ZEB1: variants seen among roughly 807,000 people sequenced by gnomAD.
The protein encoded by ZEB1 is zinc finger E-box binding homeobox 1.
ZEB1 carries 21 observed loss-of-function variants against 84.9 expected under a neutral mutation model. That is an observed-to-expected ratio of 0.25 (90% CI 0.18 to 0.36). The LOEUF (loss-of-function observed/expected upper bound fraction) is 0.36. ZEB1 is among the 10% of genes least tolerant of loss of function. ZEB1 has a pLI of 1.00. For synonymous variants in ZEB1, 420 were observed against 471.1 expected (o/e 0.89, Z 1.41); for missense variants, 1,104 against 1,330.2 (o/e 0.83, Z 2.65).
intron 1 of ZEB1, among the ~76,000 whole-genome samples, chr10:31,454,563 C>A (rs945586904): frequency 6.6e-6 from 1 of 152,178 alleles, no homozygotes; most frequent in African/African-American, 2.4e-5. Context: ...TAAACAACTT[C>A]AGCAAAGTCT....
At chr10:31,508,087 T>C (rs1275955468) in intron 4 of ZEB1, among the ~76,000 whole-genome samples, 2 of 152,180 alleles carry the variant, frequency 1.3e-5, no homozygotes, top group Admixed American at 1.3e-4. Flanking sequence ...ATTTCCTCGT[T>C]GGCTTAGGTG....
At chr10:31,406,853 T>C (rs2053167542) in intron 1 of ZEB1, among the ~76,000 whole-genome samples, 1 of 152,160 alleles carries the variant, frequency 6.6e-6, no homozygotes, top group East Asian at 1.9e-4. Flanking sequence ...TTAATCTATC[T>C]TGAGTTAATT....
At chr10:31,406,034 A>G (rs2052950420) in intron 1 of ZEB1, among the ~76,000 whole-genome samples, 4 of 152,006 alleles carry the variant, frequency 2.6e-5, no homozygotes, top group Admixed American at 2.6e-4. Context: ...CATCCTTTTT[A>G]TGGCTGCATA....
At chr10:31,436,737 A>G (rs943399087) in intron 1 of ZEB1, among the ~76,000 whole-genome samples, 1 of 152,164 alleles carries the variant, frequency 6.6e-6, no homozygotes, top group Admixed American at 6.6e-5. Flanking sequence ...AAGCTTTTCT[A>G]TATATCAGTA....
chr10:31,472,782 T>C (rs1385814220), intron 2 of ZEB1, among the ~76,000 whole-genome samples: 1 of 140,394 alleles, frequency 7.1e-6, no homozygotes, highest in African/African-American at 3.0e-5. Context: ...CCAATATCCT[T>C]GATGAACATT....
At chr10:31,403,741 T>C (rs2052482141) in intron 1 of ZEB1, among the ~76,000 whole-genome samples, 2 of 152,160 alleles carry the variant, frequency 1.3e-5, no homozygotes, top group Non-Finnish European at 2.9e-5. Flanking sequence ...ATGTATATTA[T>C]ATATTCAGCT....
intron 1 of ZEB1, among the ~76,000 whole-genome samples, chr10:31,458,069 C>T (rs984042729): frequency 3.9e-5 from 6 of 152,076 alleles, no homozygotes; most frequent in Non-Finnish European, 1.5e-5. Flanking sequence ...TCTAGGCATG[C>T]AGTTTCACTG....
chr10:31,477,343 G>A (rs1295259877), intron 2 of ZEB1, among the ~76,000 whole-genome samples: 1 of 151,640 alleles, frequency 6.6e-6, no homozygotes. Flanking sequence ...GAACCAAAGA[G>A]GTGAAAGTTC....
intron 1 of ZEB1, among the ~76,000 whole-genome samples, chr10:31,356,741 A>G (rs1289476847): frequency 6.6e-6 from 1 of 152,162 alleles, no homozygotes; most frequent in Non-Finnish European, 1.5e-5. Flanking sequence ...ACGGGCCTTA[A>G]CTATAAAGAA....
intron 1 of ZEB1, among the ~76,000 whole-genome samples, chr10:31,322,762 T>C: frequency 6.6e-6 from 1 of 150,474 alleles, no homozygotes; most frequent in African/African-American, 2.5e-5. Context: ...TTTTTTTTTT[T>C]TGAGAGAGAG....
intron 1 of ZEB1, among the ~76,000 whole-genome samples, chr10:31,443,434 T>C (rs1398044431): frequency 6.6e-6 from 1 of 151,930 alleles, no homozygotes; most frequent in Non-Finnish European, 1.5e-5. Context: ...TATTATACTT[T>C]AAGTTTTAGG....
chr10:31,451,954 C>G (rs549586693), intron 1 of ZEB1, among the ~76,000 whole-genome samples: 4 of 152,178 alleles, frequency 2.6e-5, no homozygotes, highest in African/African-American at 9.7e-5. Context: ...TGAGCAATGA[C>G]AACCCTTTCC....
intron 2 of ZEB1, among the ~76,000 whole-genome samples, chr10:31,470,175 C>T (rs936197779): frequency 5.3e-5 from 8 of 152,320 alleles, no homozygotes; most frequent in African/African-American, 1.7e-4. Context: ...TCCAAAGGAA[C>T]GCAATTCCTC....
At chr10:31,360,161 C>A (rs762611306) in intron 1 of ZEB1, among the ~76,000 whole-genome samples, 3 of 152,144 alleles carry the variant, frequency 2.0e-5, no homozygotes, top group Non-Finnish European at 4.4e-5. Flanking sequence ...AAGTCCTGCC[C>A]TGTGCCCCTG....
Position 31,457,769 on chromosome 10 carries a change from T to TA in ZEB1, c.59-3261dup, listed in dbSNP as rs879594190. Among the ~76,000 whole-genome samples the TA allele has an allele frequency of 4.7e-4, 72 of 151,996 alleles. 2 individuals carry two copies. Among genetic ancestry groups the TA allele is most frequent in the Admixed American group, 4.6e-3 (70 of 15,250 alleles). On this transcript the variant is annotated intron_variant, in intron 1 of 8. Coordinates refer to ENST00000424869, the MANE Select transcript of ZEB1 (RefSeq NM_001174096.2). ...GTATCTCTGGTTAAAAAGAACTCAG[T>TA]AAAAAAATATGAACCATGCAAGCAA...
chr10:31,473,951 C>A (rs1196043967), intron 2 of ZEB1, among the ~76,000 whole-genome samples: 1 of 151,938 alleles, frequency 6.6e-6, no homozygotes, highest in African/African-American at 2.4e-5. Flanking sequence ...GAAAAACAAG[C>A]AATGGGGAAA....
At chr10:31,402,300 TAAAG>T (rs1174198607) in intron 1 of ZEB1, among the ~76,000 whole-genome samples, 1 of 151,930 alleles carries the variant, frequency 6.6e-6, no homozygotes, top group African/African-American at 2.4e-5. Flanking sequence ...GATTAAATGA[TAAAG>T]AAGATGTAAA....
intron 2 of ZEB1, among the ~76,000 whole-genome samples, chr10:31,467,153 A>G (rs1035583754): frequency 6.7e-6 from 1 of 149,196 alleles, no homozygotes; most frequent in Non-Finnish European, 1.5e-5. Flanking sequence ...GAAACCCGGG[A>G]ACACCACTTT....
intron 1 of ZEB1, chr10:31,363,244 C>A (rs2043709795): frequency 6.5e-7 from 1 of 1,533,834 alleles, no homozygotes; most frequent in South Asian, 1.2e-5. Flanking sequence ...CCACAGGGAG[C>A]AGCCCGGAAC....
Sources: gnomAD v4.1 joint callset for allele counts (sites outside exome capture counted in the v4.1 genomes callset) on GRCh38, gnomAD v4.1.1 for gene constraint, MANE v1.5 for transcripts, NCBI Gene and HGNC (gene_info 2026-07-23, HGNC 2026-07-21) for gene names.